Variants in TTC28 observed in about 807,000 individuals in gnomAD.
The protein encoded by TTC28 is tetratricopeptide repeat protein 28.
TTC28 carries 61 observed loss-of-function variants against 198.0 expected under a neutral mutation model. The ratio of observed to expected loss-of-function variants is 0.31; its 90% CI spans 0.25 to 0.38. The LOEUF is 0.38. Among genes scored for constraint, TTC28 ranks in the 10% least tolerant of loss-of-function variants. TTC28 has a pLI of 1.00. For synonymous variants in TTC28, 1,171 were observed against 1,297.8 expected (o/e 0.90, Z 2.10); for missense variants, 2,678 against 3,164.0 (o/e 0.85, Z 3.69).
intron 2 of TTC28, among the ~76,000 whole-genome samples, chr22:28,463,574 T>C (rs1403200382): frequency 1.3e-5 from 2 of 152,190 alleles, no homozygotes; most frequent in East Asian, 3.9e-4. Flanking sequence ...CATGGAATAC[T>C]ATGCAGCCAT....
chr22:28,267,644 GTTC>G (rs1931774088), intron 5 of TTC28, among the ~76,000 whole-genome samples: 1 of 152,116 alleles, frequency 6.6e-6, no homozygotes, highest in South Asian at 2.1e-4. Flanking sequence ...ATATTTTTTA[GTTC>G]TTCAGAGGAA....
At chr22:28,661,849 C>G (rs2051754246) in intron 1 of TTC28, among the ~76,000 whole-genome samples, 1 of 152,086 alleles carries the variant, frequency 6.6e-6, no homozygotes, top group Non-Finnish European at 1.5e-5. Flanking sequence ...TCAGGTGATC[C>G]ACCTGCCTCG....
intron 6 of TTC28, among the ~76,000 whole-genome samples, chr22:28,129,962 C>T (rs1276730973): frequency 6.6e-6 from 1 of 152,094 alleles, no homozygotes; most frequent in Non-Finnish European, 1.5e-5. Context: ...ACTTTGAGTA[C>T]CAAGACTGTA....
chr22:28,384,169 C>A (rs890747358), intron 2 of TTC28, among the ~76,000 whole-genome samples: 1 of 152,150 alleles, frequency 6.6e-6, no homozygotes, highest in Admixed American at 6.5e-5. Context: ...TTAAGAAACA[C>A]CTTTATGTTC....
At chr22:28,136,711 T>G (rs1378236669) in intron 6 of TTC28, among the ~76,000 whole-genome samples, 1 of 152,174 alleles carries the variant, frequency 6.6e-6, no homozygotes, top group Non-Finnish European at 1.5e-5. Context: ...TGCTCCAGTC[T>G]CAAAGGTTTA....
rs556474496 is a variant in TTC28, at chr22:28,488,654, TG to T, written c.381+140897del. On this transcript the variant is annotated intron_variant, in intron 2 of 22. Transcript: ENST00000397906. Reference sequence around the variant, plus strand: ...CTATTATACAACTAGATCCAGGACATGCTATTAAAAAGCATTTTAATATATT... The same window carrying T: ...CTATTATACAACTAGATCCAGGACATCTATTAAAAAGCATTTTAATATATT... Among the ~76,000 whole-genome samples, 1,061 of 152,292 alleles carry T rather than the reference TG, an allele frequency of 7.0e-3. 12 individuals are homozygous for T. The highest frequency in any genetic ancestry group is 0.025 in the African/African-American group (1,024 of 41,554).
At chr22:28,274,219 G>A (rs1932268599) in intron 5 of TTC28, among the ~76,000 whole-genome samples, 1 of 151,930 alleles carries the variant, frequency 6.6e-6, no homozygotes, top group Non-Finnish European at 1.5e-5. Context: ...ATGCAGAGAG[G>A]GTAAAAGGAT....
chr22:28,092,068 T>G (rs1569134106), intron 12 of TTC28, among the ~76,000 whole-genome samples: 1 of 152,198 alleles, frequency 6.6e-6, no homozygotes, highest in Non-Finnish European at 1.5e-5. Context: ...CTGCCTTCCC[T>G]TGTTCAGGTC....
At chr22:28,286,275 C>T (rs940983223) in intron 5 of TTC28, among the ~76,000 whole-genome samples, 4 of 151,890 alleles carry the variant, frequency 2.6e-5, no homozygotes, top group African/African-American at 4.8e-5. Context: ...TAATAAAAGC[C>T]ACAAATATAA....
At chr22:28,372,486 A>G (rs866973387) in intron 2 of TTC28, among the ~76,000 whole-genome samples, 1 of 149,710 alleles carries the variant, frequency 6.7e-6, no homozygotes, top group African/African-American at 2.5e-5. Context: ...ATCCTCCACC[A>G]GCTTCCATTT....
chr22:28,206,985 A>C (rs1197969613), intron 5 of TTC28, among the ~76,000 whole-genome samples: 1 of 152,182 alleles, frequency 6.6e-6, no homozygotes, highest in African/African-American at 2.4e-5. Flanking sequence ...CAGGACAAGT[A>C]ATTCATTCCA....
intron 5 of TTC28, among the ~76,000 whole-genome samples, chr22:28,279,592 G>A (rs1343608563): frequency 1.3e-5 from 2 of 152,084 alleles, no homozygotes; most frequent in South Asian, 2.1e-4. Context: ...GGCTGGTCTC[G>A]AACTTCTTAT....
chr22:28,128,296 C>A (rs932517089), intron 6 of TTC28, among the ~76,000 whole-genome samples: 1 of 151,158 alleles, frequency 6.6e-6, no homozygotes, highest in East Asian at 1.9e-4. Flanking sequence ...CCAGCCTGGG[C>A]AACAGAGCAA....
chr22:28,290,996 T>C (rs1293035687), intron 5 of TTC28, among the ~76,000 whole-genome samples: 1 of 151,770 alleles, frequency 6.6e-6, no homozygotes, highest in Non-Finnish European at 1.5e-5. Context: ...TCCCTAAAAG[T>C]GTAGATCAGT....
In TTC28 at chr22:27,998,976, G is replaced by C; in HGVS notation, c.4683C>G (p.Ser1561Arg). The change falls in exon 16 of 23, where the codon AGC becomes AGG. Residue 1561 changes from serine to arginine, a missense_variant. Physicochemically the swap from Ser to Arg is moderately radical, Grantham distance 110. Coordinates refer to ENST00000397906, the MANE Select transcript of TTC28 (RefSeq NM_001145418.2). ...WKLSALVLTPSMDGNPASSKS... is the reference protein window; with the variant it reads ...WKLSALVLTPRMDGNPASSKS... ...TGCTGCTGGCAGGGTTGCCGTCCAT[G>C]CTGGGCGTGAGGACCAAGGCCGACA... The C allele has an allele frequency of 6.4e-7, 1 of 1,550,598 alleles. No homozygotes were observed. Among genetic ancestry groups the C allele is most frequent in the Non-Finnish European group, 8.7e-7 (1 of 1,146,992 alleles).
chr22:28,277,573 GT>G (rs1442697099), intron 5 of TTC28, among the ~76,000 whole-genome samples: 4 of 152,050 alleles, frequency 2.6e-5, no homozygotes, highest in African/African-American at 9.7e-5. Context: ...CTGTTGTTTT[GT>G]TTTGGAAATT....
chr22:28,279,161 C>T (rs2044530062), intron 5 of TTC28, among the ~76,000 whole-genome samples: 1 of 152,144 alleles, frequency 6.6e-6, no homozygotes, highest in Non-Finnish European at 1.5e-5. Context: ...GATTCTACAA[C>T]TCCTAACATT....
intron 2 of TTC28, among the ~76,000 whole-genome samples, chr22:28,488,776 C>T (rs2048340954): frequency 6.6e-6 from 1 of 152,212 alleles, no homozygotes; most frequent in African/African-American, 2.4e-5. Context: ...TGCAAATCCT[C>T]CCTGAAATAA....
intron 2 of TTC28, among the ~76,000 whole-genome samples, chr22:28,386,650 C>G (rs1016322634): frequency 1.3e-5 from 2 of 151,984 alleles, no homozygotes; most frequent in African/African-American, 4.8e-5. Context: ...TAAAAAAATG[C>G]CTTGGGGTGA....
Sources: allele counts gnomAD v4.1 joint callset (sites outside exome capture counted in the v4.1 genomes callset), GRCh38; gene constraint gnomAD v4.1.1; transcripts MANE v1.5; gene names NCBI Gene and HGNC (gene_info 2026-07-23, HGNC 2026-07-21).